Variants in ARHGEF10 observed in about 807,000 individuals in gnomAD.
ARHGEF10 encodes Rho guanine nucleotide exchange factor 10, also known as Rho guanine nucleotide exchange factor (GEF) 10.
A neutral mutation model predicts 147.4 loss-of-function variants in ARHGEF10; 140 were observed. The observed-to-expected ratio is 0.95, with a 90% CI of 0.83 to 1.09. The LOEUF (loss-of-function observed/expected upper bound fraction) is 1.09, where lower values mean the gene tolerates loss of function less well. ARHGEF10 is among the 50% of genes least tolerant of loss of function. The pLI, the probability that ARHGEF10 is intolerant of heterozygous loss-of-function variation, is 0.00. For missense variants in ARHGEF10, 2,222 were observed against 1,752.7 expected (o/e 1.27, Z -4.78); for synonymous variants, 902 against 695.8 (o/e 1.30, Z -4.67).
intron 28 of ARHGEF10, among the ~76,000 whole-genome samples, chr8:1,954,078 A>G (rs1815283414): frequency 6.6e-6 from 1 of 152,188 alleles, no homozygotes; most frequent in Non-Finnish European, 1.5e-5. Context: ...CAAAAACAAA[A>G]TGCGAAATGC....
chr8:1,833,212 GCA>G (rs1161441638), intron 1 of ARHGEF10, among the ~76,000 whole-genome samples: 1 of 117,716 alleles, frequency 8.5e-6, no homozygotes, highest in East Asian at 2.7e-4. Context: ...AGAGGCAGAG[GCA>G]GAAGCAGAGG....
intron 3 of ARHGEF10, 60 bp from the exon 4 acceptor site, chr8:1,859,837 G>C: frequency 3.1e-6 from 5 of 1,602,776 alleles, no homozygotes; most frequent in African/African-American, 2.7e-5. Context: ...CGCTCCAGGA[G>C]GGCATGCCTG....
chr8:1,905,165 A>G (rs1810784027), intron 16 of ARHGEF10, among the ~76,000 whole-genome samples: 1 of 152,208 alleles, frequency 6.6e-6, no homozygotes, highest in Non-Finnish European at 1.5e-5. Context: ...TGACTTCTAC[A>G]TCGCATACCA....
At chr8:1,852,947 G>T (rs1353481971) in intron 2 of ARHGEF10, among the ~76,000 whole-genome samples, 1 of 152,232 alleles carries the variant, frequency 6.6e-6, no homozygotes, top group Non-Finnish European at 1.5e-5. Context: ...AGCAGAGCCT[G>T]CAGTTTTCCT....
At chr8:1,888,831 ACAC>A (rs1465560479) in intron 11 of ARHGEF10, among the ~76,000 whole-genome samples, 6 of 88,754 alleles carry the variant, frequency 6.8e-5, no homozygotes, top group African/African-American at 4.2e-4. Context: ...TTATGAGGAG[ACAC>A]TGAATAGGGT....
intron 9 of ARHGEF10, among the ~76,000 whole-genome samples, chr8:1,881,208 A>T (rs1250095653): frequency 6.6e-6 from 1 of 151,930 alleles, no homozygotes; most frequent in African/African-American, 2.4e-5. Flanking sequence ...TGGTGAGAAC[A>T]CCCCTGTGTC....
At chr8:1,846,176 G>A (rs142924884) in intron 2 of ARHGEF10, among the ~76,000 whole-genome samples, 2 of 152,370 alleles carry the variant, frequency 1.3e-5, no homozygotes, top group Non-Finnish European at 2.9e-5. Context: ...GGGCTGAGGA[G>A]CCGCCCAGCC....
intron 2 of ARHGEF10, among the ~76,000 whole-genome samples, chr8:1,847,477 G>T (rs1804645534): frequency 6.6e-6 from 1 of 152,108 alleles, no homozygotes; most frequent in African/African-American, 2.4e-5. Flanking sequence ...AAGTACAATT[G>T]GCATGTTAAT....
Position 1,840,401 on chromosome 8 carries a change from G to T in ARHGEF10, c.-47-2952G>T, listed in dbSNP as rs892130254. 1.1e-4 allele frequency among the ~76,000 whole-genome samples: 14 copies of T among 131,856 alleles called. 1 individual carries two copies. The highest frequency in any genetic ancestry group is 4.3e-3 in the Middle Eastern group (1 of 230). The allele number at this position is 131,856 out of a possible 152,430, so 86.5% of individuals were successfully genotyped here. A position where few individuals can be genotyped will look rare whatever the true frequency, so the allele number is the denominator to read the frequency against. On this transcript the variant is annotated intron_variant, in intron 1 of 28. Coordinates refer to ENST00000349830, the MANE Select transcript of ARHGEF10 (RefSeq NM_014629.4). ...GACTGTCTGGTGTGGAAGCTGTCTG[G>T]TGTGGGGACTGTCTGGTGTGGAAGC...
chr8:1,955,114 C>T lies in ARHGEF10; in HGVS notation c.3521-1635C>T, dbSNP rs112275542. ...TTCCTCTGGAGGATAGCCAGGTGCT[C>T]CCTGAAAGGAGGTGCACTCTCACTG... On this transcript the variant is annotated intron_variant, in intron 28 of 28. Transcript: ENST00000349830. Among the ~76,000 whole-genome samples, 197 of 53,560 alleles carry T rather than the reference C, an allele frequency of 3.7e-3. 4 individuals carry two copies. The highest frequency in any genetic ancestry group is 0.013 in the Middle Eastern group (1 of 78). 35.1% of individuals were successfully genotyped at this position (53,560 alleles called of 152,430 possible).
intron 2 of ARHGEF10, among the ~76,000 whole-genome samples, chr8:1,851,196 A>ATTGTTGGCTCCTC (rs879464764): frequency 7.9e-6 from 1 of 126,084 alleles, no homozygotes; most frequent in African/African-American, 2.9e-5. Context: ...GACGTACCTC[A>ATTGTTGGCTCCTC]ACATCATTAC....
rs1173473216 is a variant in ARHGEF10 at position 1,934,466 on chromosome 8, T to C, written c.3222+524T>C. ...CCATTTTTTAACCATTTACCTGTGT[T>C]CACTGGTTATCTGCTAAGTAAAAGA... On this transcript the variant is annotated intron_variant, in intron 26 of 28. Coordinates refer to ENST00000349830, the MANE Select transcript of ARHGEF10 (RefSeq NM_014629.4). 2.0e-5 allele frequency among the ~76,000 whole-genome samples: 3 copies of C among 152,194 alleles called. No individual in the cohort carries two copies. The East Asian group carries it at 5.8e-4, about 29-fold the overall frequency.
intron 21 of ARHGEF10, among the ~76,000 whole-genome samples, chr8:1,924,505 T>TA (rs1216334806): frequency 6.6e-6 from 1 of 152,228 alleles, no homozygotes; most frequent in African/African-American, 2.4e-5. Flanking sequence ...CTGCTGTAGA[T>TA]AATCTGAAAT....
chr8:1,883,393 G>A (rs1563225936), intron 10 of ARHGEF10, among the ~76,000 whole-genome samples: 2 of 152,074 alleles, frequency 1.3e-5, no homozygotes, highest in Admixed American at 6.6e-5. Context: ...TACAGGGGTC[G>A]CTGTGACTCT....
intron 15 of ARHGEF10, among the ~76,000 whole-genome samples, chr8:1,899,831 C>G (rs2129168596): frequency 6.6e-6 from 1 of 152,334 alleles, no homozygotes; most frequent in African/African-American, 2.4e-5. Context: ...AATGAGCTTC[C>G]TCGTGTGAGG....
intron 1 of ARHGEF10, chr8:1,826,238 T>G: frequency 1.8e-6 from 2 of 1,112,784 alleles, no homozygotes; most frequent in Non-Finnish European, 2.6e-6. Flanking sequence ...TTTTTATGTT[T>G]TTAAAAGTTG....
At chr8:1,838,906 G>C (rs1304626023) in intron 1 of ARHGEF10, among the ~76,000 whole-genome samples, 2 of 149,666 alleles carry the variant, frequency 1.3e-5, no homozygotes, top group African/African-American at 5.0e-5. Context: ...GGTGTTTGAT[G>C]TGGGGACCAT....
At chr8:1,942,575 AG>A (rs1369748424) in intron 26 of ARHGEF10, among the ~76,000 whole-genome samples, 4 of 152,196 alleles carry the variant, frequency 2.6e-5, no homozygotes, top group Non-Finnish European at 5.9e-5. Flanking sequence ...TGGCATGACC[AG>A]GTGACCCAGC....
intron 18 of ARHGEF10, 149 bp downstream of exon 18, chr8:1,909,619 G>C: frequency 8.7e-7 from 1 of 1,153,726 alleles, no homozygotes; most frequent in Non-Finnish European, 1.3e-6. Context: ...TCTAGAATCT[G>C]TATGCTGTCT....
Sources: allele counts gnomAD v4.1 joint callset (sites outside exome capture counted in the v4.1 genomes callset), GRCh38; gene constraint gnomAD v4.1.1; transcripts MANE v1.5; gene names NCBI Gene and HGNC (gene_info 2026-07-23, HGNC 2026-07-21).